The following ABCA6 variants were observed in gnomAD, a reference collection of about 807,000 sequenced individuals.
ABCA6 encodes ATP-binding cassette sub-family A member 6.
Under a neutral mutation model 191.2 loss-of-function variants are expected in ABCA6, and 164 were observed. That is an observed-to-expected ratio of 0.86 (90% CI 0.76 to 0.98). ABCA6 has a LOEUF of 0.98. ABCA6 is among the 50% of genes least tolerant of loss of function. The probability of loss-of-function intolerance (pLI) is 0.00; values close to 1 mark genes in which losing one functional copy is unlikely to be tolerated. For missense variants in ABCA6, 1,958 were observed against 1,894.1 expected, an observed-to-expected ratio of 1.03 and a Z score of -0.63; for synonymous variants, 636 against 647.7, an observed-to-expected ratio of 0.98 and a Z score of 0.27.
chr17:69,109,859 T>A (rs1232448155), intron 17 of ABCA6: 1 of 152,080 alleles, frequency 6.6e-6, no homozygotes, highest in African/African-American at 2.4e-5. Context: ...TGCTGGCAAT[T>A]TGGATATGCC....
Position 69,134,795 on chromosome 17 carries a change from G to A in ABCA6, c.461-53C>T, listed in dbSNP as rs1354869789. The A allele has an allele frequency of 5.7e-6, 7 of 1,231,248 alleles. No individual in the cohort carries two copies. The Admixed American group carries it at 1.1e-4, about 19-fold the overall frequency. 76.3% of individuals were successfully genotyped at this position (1,231,248 alleles called of 1,614,324 possible). On this transcript the variant is annotated intron_variant, in intron 4 of 38. Coordinates refer to ENST00000284425, the MANE Select transcript of ABCA6 (RefSeq NM_080284.3). The stretch of plus-strand genomic sequence containing the variant: ...ACATTATGGGACGAGGGCAGTTGGA[G>A]AATATGAAACAAGTATTGAAAAGAA...
At chr17:69,085,203 T>G (rs369860134) in intron 31 of ABCA6, 21 bp from the exon 32 acceptor site, 1 of 1,589,740 alleles carries the variant, frequency 6.3e-7, no homozygotes, top group Non-Finnish European at 8.6e-7. Context: ...AAAAGAGCTT[T>G]AGAAAGGCAT....
At chr17:69,089,386 A>G (rs2072876235) in intron 27 of ABCA6, 79 bp downstream of exon 27, 1 of 1,344,994 alleles carries the variant, frequency 7.4e-7, no homozygotes, top group Non-Finnish European at 1.0e-6. Context: ...AAAATGGCAC[A>G]CTTTGGACAA....
rs2144616674 is a variant in ABCA6 at position 69,087,395 on chromosome 17, T to G, written c.3777A>C (p.Arg1259Ser). 2.5e-6 allele frequency: 4 copies of G among 1,614,024 alleles called. No individual in the cohort carries two copies. The East Asian group carries it at 8.9e-5, about 36-fold the overall frequency. Reference sequence around the variant, plus strand: ...TGGTCAGAGCAGTGGCTGTTCTTATTCTTTCTGTTTGAATATCTTCATCTT... The same window carrying G: ...TGGTCAGAGCAGTGGCTGTTCTTATGCTTTCTGTTTGAATATCTTCATCTT... ...IDEDEDIQTERIRTATALTTS... is the reference protein window; with the variant it reads ...IDEDEDIQTESIRTATALTTS... Residue 1259 changes from arginine to serine, a missense_variant, in exon 29 of 39, where the codon AGA becomes AGC. By Grantham distance (110) the Arg-to-Ser change is moderately radical (BLOSUM62 -1). Transcript: ENST00000284425.
Position 69,092,041 on chromosome 17 carries a change from C to T in ABCA6, c.3409-779G>A, listed in dbSNP as rs551081551. 2.0e-5 allele frequency among the ~76,000 whole-genome samples: 3 copies of T among 152,162 alleles called. No homozygotes were observed. The South Asian group carries it at 6.2e-4, about 32-fold the overall frequency. On this transcript the variant is annotated intron_variant, in intron 25 of 38. Transcript: ENST00000284425. ...TTGTCCTTCCTGCTCCATTTCTTCC[C>T]CATTCCAAACAAATGACTTTTCTGA...
intron 16 of ABCA6, chr17:69,111,419 T>C (rs2073419829): frequency 6.5e-6 from 1 of 152,830 alleles, no homozygotes; most frequent in South Asian, 2.1e-4. Flanking sequence ...TCTTGAATTG[T>C]AGTTCCCATA....
At chr17:69,110,562 G>C in intron 17 of ABCA6, 1 of 411,728 alleles carries the variant, frequency 2.4e-6, no homozygotes, top group Non-Finnish European at 4.3e-6. Context: ...ATCTGCTCCA[G>C]AATTCAGACT....
At chr17:69,128,911 A>G (rs1321900759) in intron 7 of ABCA6, 107 bp from the exon 8 acceptor site, 9 of 856,430 alleles carry the variant, frequency 1.1e-5, no homozygotes, top group Non-Finnish European at 1.6e-5. Context: ...ATAAATATTT[A>G]TCAGTGAGAA....
intron 25 of ABCA6, 146 bp downstream of exon 25, chr17:69,096,094 A>C: frequency 2.8e-6 from 1 of 351,038 alleles, no homozygotes; most frequent in Non-Finnish European, 5.2e-6. Context: ...ATTCAGTAAC[A>C]GTGTTACACT....
intron 32 of ABCA6, among the ~76,000 whole-genome samples, chr17:69,084,772 G>A (rs1466146600): frequency 6.6e-6 from 1 of 151,544 alleles, no homozygotes; most frequent in Non-Finnish European, 1.5e-5. Flanking sequence ...TTTTAAATTA[G>A]AAAACTGAAA....
intron 21 of ABCA6, among the ~76,000 whole-genome samples, chr17:69,102,067 C>T (rs917234877): frequency 6.6e-6 from 1 of 151,988 alleles, no homozygotes; most frequent in Admixed American, 6.6e-5. Flanking sequence ...ATTTTTAAAC[C>T]GAGCACGGTA....
chr17:69,112,987 G>T, intron 15 of ABCA6: 1 of 333,220 alleles, frequency 3.0e-6, no homozygotes, highest in Non-Finnish European at 5.3e-6. Context: ...TAAATTAATT[G>T]ACAGCTGATC....
intron 3 of ABCA6, among the ~76,000 whole-genome samples, chr17:69,137,027 A>G (rs146214410): frequency 6.6e-6 from 1 of 152,324 alleles, no homozygotes; most frequent in East Asian, 1.9e-4. Flanking sequence ...TCTAGATACT[A>G]TCCTGCAAAT....
chr17:69,132,126 A>C (rs2073874417), intron 6 of ABCA6, among the ~76,000 whole-genome samples: 1 of 152,134 alleles, frequency 6.6e-6, no homozygotes, highest in Non-Finnish European at 1.5e-5. Context: ...GAAAATTAAA[A>C]ATTTACTGTA....
At chr17:69,121,923 G>T (rs1480426634) in intron 10 of ABCA6, among the ~76,000 whole-genome samples, 1 of 151,962 alleles carries the variant, frequency 6.6e-6, no homozygotes, top group African/African-American at 2.4e-5. Context: ...AAGCGCTGTT[G>T]CCCCTCTCAG....
At position 69,113,148 on chromosome 17, in the gene ABCA6, T is replaced by C. The variant is rs2073463115; in HGVS notation, c.2041+74A>G. On this transcript the variant is annotated intron_variant, in intron 15 of 38. Coordinates refer to ENST00000284425, the MANE Select transcript of ABCA6 (RefSeq NM_080284.3). ...ATCACCATAATGAGAGCAGGGCTCT[T>C]ACCCTGGGAATAGACCTCGCTTCTA... 3.3e-6 allele frequency: 5 copies of C among 1,515,820 alleles called. No individual in the cohort carries two copies. The South Asian group carries it at 3.9e-5, about 12-fold the overall frequency. 93.9% of individuals were successfully genotyped at this position (1,515,820 alleles called of 1,614,324 possible).
At chr17:69,086,513 A>ATAT (rs1555646162) in intron 30 of ABCA6, 105 bp downstream of exon 30, 16 of 394,734 alleles carry the variant, frequency 4.1e-5, no homozygotes, top group East Asian at 6.5e-5. Flanking sequence ...ATATATATAG[A>ATAT]ATAAATGAAT....
At chr17:69,139,379 A>G (rs1272413490) in intron 2 of ABCA6, among the ~76,000 whole-genome samples, 1 of 152,222 alleles carries the variant, frequency 6.6e-6, no homozygotes, top group African/African-American at 2.4e-5. Flanking sequence ...GAGAAATGCA[A>G]ATCAAAACCA....
At chr17:69,085,478 G>A (rs1467538235) in intron 31 of ABCA6, 147 bp downstream of exon 31, 6 of 547,164 alleles carry the variant, frequency 1.1e-5, no homozygotes, top group African/African-American at 1.1e-4. Flanking sequence ...CTGATGCCCA[G>A]TAAAAATTTA....
Sources: allele counts gnomAD v4.1 joint callset (sites outside exome capture counted in the v4.1 genomes callset), GRCh38; gene constraint gnomAD v4.1.1; transcripts MANE v1.5; gene names NCBI Gene and HGNC (gene_info 2026-07-23, HGNC 2026-07-21).